PDE1C: variants seen among roughly 807,000 people sequenced by gnomAD.
PDE1C encodes the protein phosphodiesterase 1C, also known as dual specificity calcium/calmodulin-dependent 3',5'-cyclic nucleotide phosphodiesterase 1C.
Under a neutral mutation model 93.1 loss-of-function variants are expected in PDE1C, and 62 were observed. The ratio of observed to expected loss-of-function variants is 0.67; its 90% confidence interval spans 0.54 to 0.82. The LOEUF (loss-of-function observed/expected upper bound fraction) is 0.82, where lower values mean the gene tolerates loss of function less well. Among genes scored for constraint, PDE1C ranks in the 40% least tolerant of loss-of-function variants. The pLI, the probability that PDE1C is intolerant of heterozygous loss-of-function variation, is 0.00. For synonymous variants in PDE1C, 325 were observed against 310.1 expected (o/e 1.05, Z -0.50); for missense variants, 742 against 884.6 (o/e 0.84, Z 2.04).
Position 32,139,482 on chromosome 7 carries a change from T to C in PDE1C, c.308+30303A>G, listed in dbSNP as rs1800400001. On this transcript the variant is annotated intron_variant, in intron 3 of 18. Transcript: ENST00000396193. ...TCCATATTTTAATCAATCAGGCCAA[T>C]AGCCAGCCTCATGAGTTATCTCAGT... Among the ~76,000 whole-genome samples, 3 of 151,918 alleles carry C rather than the reference T, an allele frequency of 2.0e-5. No homozygotes were observed. In the South Asian group the frequency reaches 6.2e-4, roughly 32 times the overall value.
chr7:32,197,504 C>T (rs1171853284), intron 2 of PDE1C, among the ~76,000 whole-genome samples: 1 of 152,104 alleles, frequency 6.6e-6, no homozygotes, highest in Non-Finnish European at 1.5e-5. Flanking sequence ...ATACAAATAT[C>T]CATAGCAACA....
the PDE1C span, chr7:31,656,177 A>G: frequency 3.6e-6 from 1 of 277,196 alleles, no homozygotes; most frequent in African/African-American, 2.3e-5. Flanking sequence ...TGTTACCATT[A>G]TCTGTGTAGG....
intron 11 of PDE1C, among the ~76,000 whole-genome samples, chr7:31,833,123 A>T (rs1264633957): frequency 6.6e-6 from 1 of 152,092 alleles, no homozygotes; most frequent in East Asian, 1.9e-4. Context: ...GTCTCATGAG[A>T]TCTGATGGTT....
intron 2 of PDE1C, among the ~76,000 whole-genome samples, chr7:31,966,868 A>C (rs1344455278): frequency 6.6e-6 from 1 of 152,204 alleles, no homozygotes; most frequent in African/African-American, 2.4e-5. Flanking sequence ...TACTGGGTAC[A>C]TAATGAAATG....
At chr7:32,164,577 T>A (rs560703673) in intron 3 of PDE1C, among the ~76,000 whole-genome samples, 1 of 152,304 alleles carries the variant, frequency 6.6e-6, no homozygotes, top group East Asian at 1.9e-4. Context: ...AGCTGCTTGA[T>A]CTCTCTGAGC....
At chr7:32,212,041 AAAAAG>A (rs916829722) in intron 1 of PDE1C, among the ~76,000 whole-genome samples, 8 of 151,250 alleles carry the variant, frequency 5.3e-5, no homozygotes, top group Non-Finnish European at 7.4e-5. Flanking sequence ...AAAAAAAAAA[AAAAAG>A]AAAGAAAGAA....
chr7:32,174,757 T>C (rs979334835), intron 2 of PDE1C, among the ~76,000 whole-genome samples: 3 of 152,166 alleles, frequency 2.0e-5, no homozygotes, highest in African/African-American at 7.2e-5. Context: ...GTGACACAGC[T>C]GTACCTGTAT....
At chr7:31,680,202 G>A in the PDE1C span, among the ~76,000 whole-genome samples, 1 of 152,154 alleles carries the variant, frequency 6.6e-6, no homozygotes, top group East Asian at 1.9e-4. Context: ...CTTGCTGTTC[G>A]GCTGAGTGGT....
chr7:31,702,368 C>T, the PDE1C span, among the ~76,000 whole-genome samples: 3 of 152,024 alleles, frequency 2.0e-5, no homozygotes, highest in Non-Finnish European at 2.9e-5. Context: ...GTCCAAGGAC[C>T]GGGGGAGGCT....
At chr7:31,660,327 C>G in the PDE1C span, among the ~76,000 whole-genome samples, 2 of 152,070 alleles carry the variant, frequency 1.3e-5, no homozygotes, top group Non-Finnish European at 2.9e-5. Flanking sequence ...TTGGGGATTT[C>G]CTTTATTTAT....
the PDE1C span, among the ~76,000 whole-genome samples, chr7:31,677,456 T>C: frequency 6.6e-6 from 1 of 152,212 alleles, no homozygotes; most frequent in East Asian, 1.9e-4. Flanking sequence ...GTGTCCTAAG[T>C]GATTCCTCTT....
intron 3 of PDE1C, among the ~76,000 whole-genome samples, chr7:32,106,933 A>G (rs1798344471): frequency 1.3e-5 from 2 of 151,940 alleles, no homozygotes; most frequent in South Asian, 2.1e-4. Flanking sequence ...GAAAAAGCGG[A>G]CAGTATACAA....
intron 1 of PDE1C, among the ~76,000 whole-genome samples, chr7:32,265,537 C>T (rs937351564): frequency 6.6e-6 from 1 of 152,132 alleles, no homozygotes; most frequent in Non-Finnish European, 1.5e-5. Flanking sequence ...GTAGAGCCAA[C>T]AGATAGAAAA....
At chr7:32,130,430 T>C (rs963393547) in intron 3 of PDE1C, among the ~76,000 whole-genome samples, 2 of 152,114 alleles carry the variant, frequency 1.3e-5, no homozygotes, top group Non-Finnish European at 2.9e-5. Flanking sequence ...CCCTGCTTTC[T>C]CTCTCCCTCC....
At chr7:32,049,716 G>A (rs1793092338) in intron 2 of PDE1C, among the ~76,000 whole-genome samples, 1 of 152,074 alleles carries the variant, frequency 6.6e-6, no homozygotes, top group African/African-American at 2.4e-5. Context: ...CATGTAATCT[G>A]TTTAATTCCA....
intron 7 of PDE1C, among the ~76,000 whole-genome samples, chr7:31,853,948 A>C (rs1046569262): frequency 6.8e-6 from 1 of 147,794 alleles, no homozygotes; most frequent in Non-Finnish European, 1.5e-5. Flanking sequence ...GCTGGTCTCT[A>C]ACTTCTGAGC....
chr7:31,835,261 A>G (rs12701142), intron 11 of PDE1C, among the ~76,000 whole-genome samples: 42,727 of 152,016 alleles, frequency 0.28, 6,261 homozygotes, highest in Middle Eastern at 0.46. Flanking sequence ...TTATCAAAGA[A>G]AGCATATGAC....
chr7:32,060,418 A>G (rs1349109724), intron 1 of PDE1C, among the ~76,000 whole-genome samples: 1 of 152,208 alleles, frequency 6.6e-6, no homozygotes, highest in Non-Finnish European at 1.5e-5. Flanking sequence ...CCTTGGGAGC[A>G]TGAGTCCTTC....
At chr7:31,796,323 G>A (rs1425800999) in intron 16 of PDE1C, among the ~76,000 whole-genome samples, 1 of 151,402 alleles carries the variant, frequency 6.6e-6, no homozygotes, top group African/African-American at 2.4e-5. Context: ...GTACATAAGT[G>A]TGTGTGTAAT....
Sources: allele counts gnomAD v4.1 joint callset (sites outside exome capture counted in the v4.1 genomes callset), GRCh38; gene constraint gnomAD v4.1.1; transcripts MANE v1.5; gene names NCBI Gene and HGNC (gene_info 2026-07-23, HGNC 2026-07-21).